Variants in TRIM58 observed in about 807,000 individuals in gnomAD.
TRIM58 encodes tripartite motif containing 58, also known as E3 ubiquitin-protein ligase TRIM58.
TRIM58 carries 38 observed loss-of-function variants against 34.1 expected under a neutral mutation model. The ratio of observed to expected loss-of-function variants is 1.12; its 90% CI spans 0.86 to 1.46. The LOEUF (loss-of-function observed/expected upper bound fraction) is 1.46. TRIM58 is among the 40% of genes most tolerant of loss of function. The pLI is 0.00. For synonymous variants in TRIM58, 273 were observed against 275.7 expected (o/e 0.99, Z 0.10); for missense variants, 677 against 642.0 (o/e 1.05, Z -0.59).
At chr1:247,860,764 T>A in intron 2 of TRIM58, 52 bp downstream of exon 2, 1 of 1,406,600 alleles carries the variant, frequency 7.1e-7, no homozygotes, top group Non-Finnish European at 1.0e-6. Flanking sequence ...GGATCCAGAT[T>A]CGGGTCAGTA....
chr1:247,862,925 C>T (rs1364334481), intron 2 of TRIM58, among the ~76,000 whole-genome samples: 1 of 152,186 alleles, frequency 6.6e-6, no homozygotes, highest in African/African-American at 2.4e-5. Flanking sequence ...CTTCCCACCT[C>T]ACACCCCCTC....
At chr1:247,857,888 C>A (rs1425394834) in intron 1 of TRIM58, among the ~76,000 whole-genome samples, 1 of 152,178 alleles carries the variant, frequency 6.6e-6, no homozygotes, top group Non-Finnish European at 1.5e-5. Flanking sequence ...TTTACACCGT[C>A]CGCCCCTCCC....
chr1:247,876,362 G>A lies in TRIM58; in HGVS notation c.1334G>A (p.Arg445Gln), dbSNP rs200018732. 28 of 1,613,974 alleles carry A rather than the reference G, an allele frequency of 1.7e-5. No individual in the cohort carries two copies. Among genetic ancestry groups the A allele is most frequent in the African/African-American group, 8.0e-5 (6 of 74,958 alleles). The change falls in exon 6 of 6, where the codon CGG becomes CAG. Residue 445 changes from arginine (R) to glutamine (Q), a missense_variant. Coordinates refer to ENST00000366481, the MANE Select transcript of TRIM58 (RefSeq NM_015431.4). ...AACCAACTCTTCTCTGGTCTTCTTC[G>A]GCCTTACTTTTTCATCTGTGATGCA... ...TFNQLFSGLL[R>Q]PYFFICDATP...
Sources: allele counts gnomAD v4.1 joint callset (sites outside exome capture counted in the v4.1 genomes callset), GRCh38; gene constraint gnomAD v4.1.1; transcripts MANE v1.5; gene names NCBI Gene and HGNC (gene_info 2026-07-23, HGNC 2026-07-21).